TENM3: variants seen among roughly 807,000 people sequenced by gnomAD.
The protein encoded by TENM3 is teneurin transmembrane protein 3.
TENM3 carries 63 observed loss-of-function variants against 255.1 expected under a neutral mutation model. The observed-to-expected ratio is 0.25, with a 90% CI of 0.20 to 0.30. The LOEUF is 0.30. Among genes scored for constraint, TENM3 ranks in the 10% least tolerant of loss-of-function variants. TENM3 has a pLI of 1.00. For missense variants in TENM3, 2,929 were observed against 3,461.1 expected (o/e 0.85, Z 3.86); for synonymous variants, 1,306 against 1,322.3 (o/e 0.99, Z 0.27).
the TENM3 span, among the ~76,000 whole-genome samples, chr4:181,847,591 T>C: frequency 6.6e-6 from 1 of 152,068 alleles, no homozygotes; most frequent in Non-Finnish European, 1.5e-5. Flanking sequence ...TAACATATTG[T>C]AATGTATGAT....
At chr4:181,868,636 G>A in the TENM3 span, among the ~76,000 whole-genome samples, 1 of 152,118 alleles carries the variant, frequency 6.6e-6, no homozygotes, top group African/African-American at 2.4e-5. Flanking sequence ...TACAGCAACT[G>A]CCTTTTATAA....
chr4:181,897,285 C>T, the TENM3 span, among the ~76,000 whole-genome samples: 1 of 152,128 alleles, frequency 6.6e-6, no homozygotes, highest in East Asian at 1.9e-4. Context: ...TGGCATCTTC[C>T]AATATTCAGC....
chr4:181,927,909 A>C, the TENM3 span, among the ~76,000 whole-genome samples: 1 of 152,198 alleles, frequency 6.6e-6, no homozygotes, highest in Non-Finnish European at 1.5e-5. Context: ...ACCTCCAGCA[A>C]ACTCCAGCAG....
At chr4:181,544,342 A>C in the TENM3 span, among the ~76,000 whole-genome samples, 1 of 143,268 alleles carries the variant, frequency 7.0e-6, no homozygotes, top group Non-Finnish European at 1.5e-5. Context: ...AATGGCTTTT[A>C]CTTAATATTT....
At chr4:181,630,867 A>G in the TENM3 span, among the ~76,000 whole-genome samples, 1 of 152,258 alleles carries the variant, frequency 6.6e-6, no homozygotes, top group Non-Finnish European at 1.5e-5. Context: ...CTTGGTGTGC[A>G]CACATTTTTT....
Position 182,507,680 on chromosome 4 carries a change from G to A in TENM3, c.512-93244G>A, listed in dbSNP as rs141738877. On this transcript the variant is annotated intron_variant, in intron 3 of 27. Coordinates refer to ENST00000511685, the MANE Select transcript of TENM3 (RefSeq NM_001080477.4). ...TTTATAAATTTTCAACTTAGAGAAC[G>A]AGATTCTTTGCAAAAGATTTGGTCA... Among the ~76,000 whole-genome samples the A allele has an allele frequency of 3.4e-4, 52 of 152,296 alleles. 1 individual carries two copies. In the East Asian group the frequency reaches 9.4e-3, roughly 28 times the overall value.
At chr4:181,465,105 C>G in the TENM3 span, among the ~76,000 whole-genome samples, 2 of 151,882 alleles carry the variant, frequency 1.3e-5, no homozygotes, top group African/African-American at 4.8e-5. Context: ...AAATTTGTGA[C>G]TATAATTCAC....
chr4:182,659,487 T>C (rs1334708446), intron 6 of TENM3, among the ~76,000 whole-genome samples: 1 of 152,162 alleles, frequency 6.6e-6, no homozygotes, highest in Non-Finnish European at 1.5e-5. Context: ...GTTCCAGGCA[T>C]CCACTGGGGA....
chr4:181,463,425 C>G, the TENM3 span, among the ~76,000 whole-genome samples: 1 of 152,190 alleles, frequency 6.6e-6, no homozygotes. Flanking sequence ...TCATATTATT[C>G]CATGGCTGCA....
At chr4:181,951,098 C>T in the TENM3 span, among the ~76,000 whole-genome samples, 1 of 152,134 alleles carries the variant, frequency 6.6e-6, no homozygotes, top group Non-Finnish European at 1.5e-5. Context: ...CATAGATCAG[C>T]TTTAAAAATC....
At chr4:182,593,135 A>G (rs542118600) in intron 3 of TENM3, among the ~76,000 whole-genome samples, 1 of 152,146 alleles carries the variant, frequency 6.6e-6, no homozygotes, top group South Asian at 2.1e-4. Context: ...TTACCTGACA[A>G]CTCCCTTGCT....
the TENM3 span, among the ~76,000 whole-genome samples, chr4:181,623,892 T>G: frequency 0.097 from 14,753 of 152,226 alleles, 885 homozygotes; most frequent in East Asian, 0.17. Flanking sequence ...ACAGTCTTAA[T>G]ATTGATGTGC....
At chr4:182,448,897 G>C in intron 3 of TENM3, 1 of 317,282 alleles carries the variant, frequency 3.2e-6, no homozygotes, top group South Asian at 2.3e-5. Flanking sequence ...GCGCGAAGGG[G>C]TTAAGCGGCG....
chr4:182,789,325 A>G lies in TENM3; in HGVS notation c.5537A>G (p.Gln1846Arg). The change falls in exon 25 of 28, where the codon CAG becomes CGG. Residue 1846 changes from glutamine (Q) to arginine (R), a missense_variant. Transcript: ENST00000511685. This position sits in a 1 kb window ranked among gnomAD's most constrained non-coding sequence, Gnocchi z 4.4. ...TTSEKVDYDGQGRIVSRVFAD... is the reference protein window; with the variant it reads ...TTSEKVDYDGRGRIVSRVFAD... ...AGCGAGAAAGTAGATTATGACGGAC[A>G]GGGGAGGATCGTGTCTCGGGTCTTT... 1.9e-6 allele frequency: 3 copies of G among 1,613,904 alleles called. No individual in the cohort carries two copies. The highest frequency in any genetic ancestry group is 1.1e-5 in the South Asian group (1 of 91,014).
chr4:181,974,394 C>A, the TENM3 span, among the ~76,000 whole-genome samples: 2 of 151,990 alleles, frequency 1.3e-5, no homozygotes, highest in South Asian at 4.2e-4. Context: ...ATGGTGAAAC[C>A]CCATCTCTAC....
At chr4:182,188,448 G>A (rs911173000) in intron 1 of TENM3, among the ~76,000 whole-genome samples, 8 of 152,194 alleles carry the variant, frequency 5.3e-5, no homozygotes, top group East Asian at 1.9e-4. Flanking sequence ...CCCTAATCTC[G>A]TGCATGTCTG....
chr4:182,681,390 A>G (rs189888839), intron 10 of TENM3, among the ~76,000 whole-genome samples: 1 of 152,222 alleles, frequency 6.6e-6, no homozygotes, highest in African/African-American at 2.4e-5. Context: ...TCTAAAGCAC[A>G]TTGAAGTGAA....
the TENM3 span, among the ~76,000 whole-genome samples, chr4:181,918,036 A>C: frequency 6.6e-6 from 1 of 152,042 alleles, no homozygotes; most frequent in African/African-American, 2.4e-5. Context: ...TTCTTAAGCT[A>C]CTTTTGTGCT....
chr4:182,797,066 A>G (rs552729161), intron 27 of TENM3, among the ~76,000 whole-genome samples: 2 of 152,246 alleles, frequency 1.3e-5, no homozygotes, highest in Non-Finnish European at 2.9e-5. Context: ...GCAAAAATAC[A>G]ATAAACAAAA....
Sources: gnomAD v4.1 joint callset for allele counts (sites outside exome capture counted in the v4.1 genomes callset) on GRCh38, gnomAD v4.1.1 for gene constraint, Gnocchi (gnomAD v3.1) non-coding constraint, MANE v1.5 for transcripts, NCBI Gene and HGNC (gene_info 2026-07-23, HGNC 2026-07-21) for gene names.